ROCK2: variants seen among roughly 807,000 people sequenced by gnomAD.
The protein encoded by ROCK2 is Rho associated coiled-coil containing protein kinase 2.
A neutral mutation model predicts 195.1 loss-of-function variants in ROCK2; 61 were observed. The observed-to-expected ratio is 0.31, with a 90% confidence interval of 0.25 to 0.39. The LOEUF is 0.39. Among genes scored for constraint, ROCK2 ranks in the 10% least tolerant of loss-of-function variants. The pLI is 1.00. For synonymous variants in ROCK2, 504 were observed against 545.5 expected, an observed-to-expected ratio of 0.92 and a Z score of 1.06; for missense variants, 1,109 against 1,637.4, an observed-to-expected ratio of 0.68 and a Z score of 5.57.
In ROCK2 at chr2:11,210,176, A is replaced by G. The variant is rs1222033313; in HGVS notation, c.2203+1505T>C. Among the ~76,000 whole-genome samples, 5 of 152,360 alleles carry G rather than the reference A, an allele frequency of 3.3e-5. No individual in the cohort carries two copies. In the East Asian group the frequency reaches 5.8e-4, roughly 18 times the overall value. On this transcript the variant is annotated intron_variant, in intron 18 of 32. Transcript: ENST00000315872. Reference sequence around the variant, plus strand: ...TACATTAGCGTTTTAATAGTTTGAAAAAAATGGTAGTTAATACTGAATTGG... The same window carrying G: ...TACATTAGCGTTTTAATAGTTTGAAGAAAATGGTAGTTAATACTGAATTGG...
chr2:11,309,063 C>A (rs1038739117), intron 1 of ROCK2: 2 of 1,418,744 alleles, frequency 1.4e-6, no homozygotes, highest in East Asian at 2.4e-5. Flanking sequence ...ACCAGTAGGC[C>A]GGAGGGAGTC....
intron 32 of ROCK2, among the ~76,000 whole-genome samples, chr2:11,187,833 T>C (rs1437572136): frequency 6.6e-6 from 1 of 152,178 alleles, no homozygotes; most frequent in Non-Finnish European, 1.5e-5. Flanking sequence ...TCAAATTGTA[T>C]ATAACTTCAT....
intron 3 of ROCK2, among the ~76,000 whole-genome samples, chr2:11,264,398 A>G (rs1006586066): frequency 8.9e-5 from 11 of 124,008 alleles, no homozygotes; most frequent in African/African-American, 2.8e-4. Flanking sequence ...TTGACAGAAA[A>G]AAGAGTAATC....
At chr2:11,314,281 GCT>G (rs1233496928) in intron 1 of ROCK2, among the ~76,000 whole-genome samples, 1 of 150,822 alleles carries the variant, frequency 6.6e-6, no homozygotes, top group East Asian at 1.9e-4. Context: ...CTAATTTGCT[GCT>G]CTCTTTATAC....
chr2:11,331,099 CAAGAAAA>C (rs1256387191), intron 1 of ROCK2, among the ~76,000 whole-genome samples: 1 of 150,418 alleles, frequency 6.6e-6, no homozygotes, highest in Non-Finnish European at 1.5e-5. Context: ...CTTTGCTACT[CAAGAAAA>C]AAGAAAAAGG....
intron 1 of ROCK2, among the ~76,000 whole-genome samples, chr2:11,288,712 G>A (rs1667274116): frequency 7.1e-6 from 1 of 140,906 alleles, no homozygotes; most frequent in African/African-American, 2.4e-5. Context: ...CGAAACAGCA[G>A]TAAAAATAAA....
At chr2:11,315,075 C>G (rs1007041131) in intron 1 of ROCK2, among the ~76,000 whole-genome samples, 2 of 151,930 alleles carry the variant, frequency 1.3e-5, no homozygotes. Context: ...TAACCTTTCT[C>G]AATGCAAAAA....
intron 1 of ROCK2, among the ~76,000 whole-genome samples, chr2:11,324,089 T>G (rs1668476045): frequency 6.6e-6 from 1 of 152,192 alleles, no homozygotes; most frequent in Admixed American, 6.5e-5. Flanking sequence ...GGAATCACAC[T>G]CTTACCATAC....
rs937064236 is a variant in ROCK2 at position 11,197,351 on chromosome 2, A to G, written c.3280-3T>C. Reference sequence around the variant, plus strand: ...ATCTGGCTCTCTTCAGCTATTTGCTATAAGAAATTTAATTACAATAAGTTA... The same window carrying G: ...ATCTGGCTCTCTTCAGCTATTTGCTGTAAGAAATTTAATTACAATAAGTTA... On this transcript the variant is annotated splice_region_variant and splice_polypyrimidine_tract_variant and intron_variant, in intron 26 of 32. Coordinates refer to ENST00000315872, the MANE Select transcript of ROCK2 (RefSeq NM_004850.5). The surrounding 1 kb of genome is among the most constrained non-coding windows in gnomAD (Gnocchi z 4.9). 20 of 1,609,554 alleles carry G rather than the reference A, an allele frequency of 1.2e-5. No individual in the cohort carries two copies. Among genetic ancestry groups the G allele is most frequent in the South Asian group, 6.7e-5 (6 of 89,876 alleles).
At chr2:11,297,850 C>A (rs948196319) in intron 1 of ROCK2, among the ~76,000 whole-genome samples, 1 of 152,068 alleles carries the variant, frequency 6.6e-6, no homozygotes, top group Admixed American at 6.5e-5. Flanking sequence ...TTCAAAATAT[C>A]CCATTTCTTT....
intron 3 of ROCK2, among the ~76,000 whole-genome samples, chr2:11,275,843 C>G (rs952154101): frequency 1.3e-5 from 2 of 151,992 alleles, no homozygotes; most frequent in East Asian, 3.9e-4. Flanking sequence ...GGGATTACAG[C>G]TGCCTGCCAC....
chr2:11,252,801 C>T (rs983178846), intron 3 of ROCK2, among the ~76,000 whole-genome samples: 9 of 152,052 alleles, frequency 5.9e-5, no homozygotes, highest in Admixed American at 5.2e-4. Flanking sequence ...GTGCCTGTCA[C>T]GGGGTGAGGG....
intron 4 of ROCK2, among the ~76,000 whole-genome samples, chr2:11,247,851 C>G (rs899062441): frequency 1.4e-4 from 22 of 151,808 alleles, no homozygotes; most frequent in African/African-American, 5.1e-4. Context: ...GAGACCCCGT[C>G]TCTCTACTAA....
At chr2:11,271,427 C>A (rs924754476) in intron 3 of ROCK2, among the ~76,000 whole-genome samples, 3 of 152,190 alleles carry the variant, frequency 2.0e-5, no homozygotes, top group African/African-American at 7.2e-5. Flanking sequence ...TACCTCAGCA[C>A]TGGTTCTCGT....
At chr2:11,216,123 AC>A (rs776311458) in intron 13 of ROCK2, 34 bp downstream of exon 13, 1 of 1,572,172 alleles carries the variant, frequency 6.4e-7, no homozygotes, top group Non-Finnish European at 8.8e-7. Context: ...ATTTTTACTA[AC>A]AAAAATGTTA....
chr2:11,276,984 T>C (rs2148177060), intron 3 of ROCK2, among the ~76,000 whole-genome samples: 1 of 152,298 alleles, frequency 6.6e-6, no homozygotes, highest in South Asian at 2.1e-4. Context: ...ACTTTATTTT[T>C]TAGAACAGTT....
intron 1 of ROCK2, among the ~76,000 whole-genome samples, chr2:11,341,204 C>A (rs540123572): frequency 6.6e-6 from 1 of 152,214 alleles, no homozygotes; most frequent in South Asian, 2.1e-4. Context: ...AAGCCATGAG[C>A]CTTTGCAGAG....
At chr2:11,331,074 T>C (rs1668752543) in intron 1 of ROCK2, among the ~76,000 whole-genome samples, 3 of 148,080 alleles carry the variant, frequency 2.0e-5, no homozygotes, top group Admixed American at 2.0e-4. Flanking sequence ...GAAGAAATAA[T>C]ATTTTCTAAG....
At chr2:11,250,458 C>T (rs578105599) in intron 3 of ROCK2, among the ~76,000 whole-genome samples, 5 of 152,256 alleles carry the variant, frequency 3.3e-5, no homozygotes, top group Non-Finnish European at 5.9e-5. Flanking sequence ...GCAAATTGTT[C>T]ACCAGAGAGC....
Sources: gnomAD v4.1 joint callset for allele counts (sites outside exome capture counted in the v4.1 genomes callset) on GRCh38, gnomAD v4.1.1 for gene constraint, Gnocchi (gnomAD v3.1) non-coding constraint, MANE v1.5 for transcripts, NCBI Gene and HGNC (gene_info 2026-07-23, HGNC 2026-07-21) for gene names.